C1orf167: variants seen among roughly 807,000 people sequenced by gnomAD.
C1orf167 encodes the protein chromosome 1 open reading frame 167, also known as uncharacterized protein C1orf167.
In C1orf167, 153 loss-of-function variants were observed where a neutral mutation model predicts 176.5. That is an observed-to-expected ratio of 0.87 (90% CI 0.76 to 0.99). The LOEUF (loss-of-function observed/expected upper bound fraction) is 0.99, where lower values mean the gene tolerates loss of function less well. Ranked by LOEUF, C1orf167 falls within the 50% of genes least tolerant of loss-of-function variation. The probability of loss-of-function intolerance (pLI) is 0.00; values close to 1 mark genes in which losing one functional copy is unlikely to be tolerated. For synonymous variants in C1orf167, 594 were observed against 752.7 expected (o/e 0.79, Z 3.45); for missense variants, 1,490 against 1,817.7 (o/e 0.82, Z 3.28).
chr1:11,763,903 T>A (rs981086159), intron 1 of C1orf167, among the ~76,000 whole-genome samples: 2 of 152,062 alleles, frequency 1.3e-5, no homozygotes, highest in African/African-American at 2.4e-5. Context: ...GGCTCCAGGA[T>A]TTTTGTTTGA....
At chr1:11,775,889 C>T (rs1310127157) in intron 9 of C1orf167, among the ~76,000 whole-genome samples, 1 of 152,194 alleles carries the variant, frequency 6.6e-6, no homozygotes, top group Non-Finnish European at 1.5e-5. Flanking sequence ...AGATCCTGCC[C>T]AGAAGGGATG....
chr1:11,771,410 G>T, intron 6 of C1orf167, 114 bp from the exon 7 acceptor site: 1 of 462,280 alleles, frequency 2.2e-6, no homozygotes, highest in Admixed American at 2.9e-5. Flanking sequence ...GGGGGACTCA[G>T]CGCCCCCTGC....
chr1:11,780,203 A>C (rs1046763389), intron 13 of C1orf167, among the ~76,000 whole-genome samples, 193 bp downstream of exon 13: 3 of 152,232 alleles, frequency 2.0e-5, no homozygotes, highest in Non-Finnish European at 4.4e-5. Flanking sequence ...AAAACTAATA[A>C]GTACTTGGGT....
At position 11,779,909 on chromosome 1, in the gene C1orf167, G is replaced by A. The variant is rs4846043; in HGVS notation, c.2759G>A (p.Arg920His). Residue 920 changes from arginine (R) to histidine (H), a missense_variant, in exon 13 of 21, where the codon CGT becomes CAT. Physicochemically the swap from Arg to His is conservative, Grantham distance 29. Transcript: ENST00000688073. ...RTCRAVLGLW[R>H]QRLLQSRLVE... ...TGCAGGGCTGTGCTGGGCCTGTGGCGTCAGCGGCTGCTGCAGTCACGGCTG... is the reference window on the plus strand; with the variant it reads ...TGCAGGGCTGTGCTGGGCCTGTGGCATCAGCGGCTGCTGCAGTCACGGCTG... 777,450 of 1,302,332 alleles carry A rather than the reference G, an allele frequency of 0.6. 235,862 individuals carry two copies. The highest frequency in any genetic ancestry group is 0.77 in the East Asian group (13,848 of 18,012). 80.7% of individuals were successfully genotyped at this position (1,302,332 alleles called of 1,614,324 possible). A position where few individuals can be genotyped will look rare whatever the true frequency, so the allele number is the denominator to read the frequency against.
chr1:11,787,743 G>T, intron 17 of C1orf167, 130 bp from the exon 18 acceptor site: 1 of 1,147,814 alleles, frequency 8.7e-7, no homozygotes, highest in Non-Finnish European at 1.1e-6. Flanking sequence ...GGGAGATGGG[G>T]GCAGGGCACA....
In C1orf167 at chr1:11,789,397, C is replaced by T. The variant is rs369053847; in HGVS notation, c.4301C>T (p.Pro1434Leu). Residue 1434 changes from proline (P) to leucine (L), a missense_variant, in exon 21 of 21, where the codon CCG (proline) becomes CTG (leucine). Pro to Leu is a moderately conservative substitution (Grantham distance 98). Transcript: ENST00000688073. ...PESGQEAARA[P>L]RGWGLGAEHG... ...AGTGGACAGGAAGCCGCCAGAGCAC[C>T]GCGGGGTTGGGGGCTTGGGGCAGAG... 36 of 1,303,002 alleles carry T rather than the reference C, an allele frequency of 2.8e-5. No individual in the cohort carries two copies. Among genetic ancestry groups the T allele is most frequent in the Non-Finnish European group, 2.7e-5 (27 of 988,636 alleles). The allele number at this position is 1,303,002 out of a possible 1,614,324, so 80.7% of individuals were successfully genotyped here.
chr1:11,786,629 T>A (rs1329116184), intron 16 of C1orf167: 1 of 142,888 alleles, frequency 7.0e-6, no homozygotes, highest in African/African-American at 2.6e-5. Flanking sequence ...TTTGTAGAAA[T>A]GGGATCTCAC....
chr1:11,781,275 A>C (rs1643590699), intron 13 of C1orf167, among the ~76,000 whole-genome samples: 1 of 151,920 alleles, frequency 6.6e-6, no homozygotes, highest in Non-Finnish European at 1.5e-5. Context: ...TGGGATTACA[A>C]GCGTGAGCCA....
At chr1:11,784,711 G>A (rs1329064868) in intron 15 of C1orf167, 118 bp downstream of exon 15, 1 of 1,102,394 alleles carries the variant, frequency 9.1e-7, no homozygotes, top group East Asian at 6.4e-5. Context: ...GGCTCAAGAG[G>A]GTGGTTGGGG....
At chr1:11,767,396 T>G in intron 4 of C1orf167, 132 bp downstream of exon 4, 1 of 772,710 alleles carries the variant, frequency 1.3e-6, no homozygotes, top group South Asian at 1.6e-5. Context: ...GAAGAGGAAC[T>G]TACTACCTGT....
In C1orf167 at chr1:11,783,269, CAG is replaced by C. The variant is rs561250538; in HGVS notation, c.3006-902_3006-901del. Among the ~76,000 whole-genome samples, 212 of 152,154 alleles carry C rather than the reference CAG, an allele frequency of 1.4e-3. 4 individuals carry two copies. Among genetic ancestry groups the C allele is most frequent in the African/African-American group, 4.9e-3 (202 of 41,504 alleles). ...TTGTTTGTTTGTTTGTTTTTTGAGACAGAGTTTCGCTCTTGTTGCCCAGGTTG... is the reference window on the plus strand; with the variant it reads ...TTGTTTGTTTGTTTGTTTTTTGAGACAGTTTCGCTCTTGTTGCCCAGGTTG... On this transcript the variant is annotated intron_variant, in intron 14 of 20. Transcript: ENST00000688073.
At position 11,768,359 on chromosome 1, in the gene C1orf167, C is replaced by T; in HGVS notation, c.1542+84C>T. 1 of 1,170,464 alleles carries T rather than the reference C, an allele frequency of 8.5e-7. No individual in the cohort carries two copies. The highest frequency in any genetic ancestry group is 1.4e-5 in the South Asian group (1 of 73,830). 72.5% of individuals were successfully genotyped at this position (1,170,464 alleles called of 1,614,324 possible). A position where few individuals can be genotyped will look rare whatever the true frequency, so the allele number is the denominator to read the frequency against. On this transcript the variant is annotated intron_variant, in intron 5 of 20. Transcript: ENST00000688073. This position sits in a 1 kb window ranked among gnomAD's most constrained non-coding sequence, Gnocchi z 4.5. ...GAGACTCAGTCTACGGAGAGGACAC[C>T]CACTGGGCATAGGTGGCACCTCATG...
intron 1 of C1orf167, among the ~76,000 whole-genome samples, chr1:11,763,368 G>A (rs1642619346): frequency 1.3e-5 from 2 of 151,762 alleles, no homozygotes; most frequent in Admixed American, 1.3e-4. Context: ...TGAGCCCAGG[G>A]AGGCAGGCGG....
At chr1:11,787,688 G>A in intron 17 of C1orf167, 185 bp from the exon 18 acceptor site, 1 of 985,744 alleles carries the variant, frequency 1.0e-6, no homozygotes. Context: ...CCGCCCCTGT[G>A]ATTTCTCTTT....
intron 13 of C1orf167, among the ~76,000 whole-genome samples, chr1:11,781,707 G>A (rs1030138191): frequency 6.6e-6 from 1 of 152,070 alleles, no homozygotes; most frequent in African/African-American, 2.4e-5. Flanking sequence ...TCAGGAGATC[G>A]AGACCATCTT....
rs116051967 is a variant in C1orf167 at position 11,779,130 on chromosome 1, C to T, written c.2651+50C>T. On this transcript the variant is annotated intron_variant, in intron 12 of 20. Transcript: ENST00000688073. ...GCCACTCTATGGACTTACTGTTTCC[C>T]GGCCCCTTCTCCCTTCCACCCTTGG... 2,176 of 1,206,810 alleles carry T rather than the reference C, an allele frequency of 1.8e-3. 40 individuals carry two copies. The African/African-American group carries it at 0.032, about 18-fold the overall frequency. The allele number at this position is 1,206,810 out of a possible 1,614,324, so 74.8% of individuals were successfully genotyped here.
rs1244991062 is a variant in C1orf167, at chr1:11,788,176, G to GCAGGCC, written c.3885_3890dup (p.Gln1295_Ala1296dup). On this transcript the variant is annotated inframe_insertion, in exon 19 of 21. Coordinates refer to ENST00000688073, the MANE Select transcript of C1orf167 (RefSeq NM_001010881.2). Reference sequence around the variant, plus strand: ...CTCGTTCCTGCAGGATCCTGGAAAAGCAGGCCCAGGCCCATGGCTCTGCCC... The same window carrying GCAGGCC: ...CTCGTTCCTGCAGGATCCTGGAAAAGCAGGCCCAGGCCCAGGCCCATGGCTCTGCCC... 9.3e-6 allele frequency: 12 copies of GCAGGCC among 1,291,042 alleles called. No homozygotes were observed. The highest frequency in any genetic ancestry group is 1.5e-5 in the African/African-American group (1 of 65,624). The allele number at this position is 1,291,042 out of a possible 1,614,324, so 80.0% of individuals were successfully genotyped here.
At chr1:11,783,489 C>T (rs889352155) in intron 14 of C1orf167, among the ~76,000 whole-genome samples, 20 of 152,002 alleles carry the variant, frequency 1.3e-4, no homozygotes, top group East Asian at 1.9e-4. Context: ...TCAGGTGATC[C>T]GCCCGCCTCT....
At chr1:11,780,737 C>T (rs1041736260) in intron 13 of C1orf167, among the ~76,000 whole-genome samples, 1 of 152,108 alleles carries the variant, frequency 6.6e-6, no homozygotes, top group Non-Finnish European at 1.5e-5. Context: ...TAGGGGCCAG[C>T]AGAGTTAGTC....
Sources: allele counts gnomAD v4.1 joint callset (sites outside exome capture counted in the v4.1 genomes callset), GRCh38; gene constraint gnomAD v4.1.1; non-coding constraint Gnocchi (gnomAD v3.1); transcripts MANE v1.5; gene names NCBI Gene and HGNC (gene_info 2026-07-23, HGNC 2026-07-21).